DNAJC1: variants seen among roughly 807,000 people sequenced by gnomAD.
The protein encoded by DNAJC1 is DnaJ heat shock protein family (Hsp40) member C1, also known as dnaJ homolog subfamily C member 1.
A neutral mutation model predicts 76.6 loss-of-function variants in DNAJC1; 58 were observed. The observed-to-expected ratio is 0.76, with a 90% CI of 0.61 to 0.94. DNAJC1 has a LOEUF of 0.94. Ranked by LOEUF, DNAJC1 falls within the 40% of genes least tolerant of loss-of-function variation. The pLI is 0.00. For synonymous variants in DNAJC1, 258 were observed against 267.9 expected, an observed-to-expected ratio of 0.96 and a Z score of 0.36; for missense variants, 689 against 677.3, an observed-to-expected ratio of 1.02 and a Z score of -0.19.
At chr10:21,916,540 G>A (rs1836959244) in intron 6 of DNAJC1, among the ~76,000 whole-genome samples, 1 of 152,044 alleles carries the variant, frequency 6.6e-6, no homozygotes, top group Admixed American at 6.6e-5. Flanking sequence ...CACAAGAGTG[G>A]TACATAAAGT....
Position 21,756,588 on chromosome 10 carries a change from A to T in DNAJC1, c.*99T>A. 1 of 801,262 alleles carries T rather than the reference A, an allele frequency of 1.2e-6. No individual in the cohort carries two copies. The highest frequency in any genetic ancestry group is 2.1e-6 in the Non-Finnish European group (1 of 466,598). The allele number at this position is 801,262 out of a possible 1,614,324, so 49.6% of individuals were successfully genotyped here. On this transcript the variant is annotated 3_prime_UTR_variant, in exon 12 of 12. Transcript: ENST00000376980. ...TTATTATTTTTTTTTACTAAGGCAC[A>T]TGACGTAGAAATATTGAGGTACAAA...
chr10:21,874,813 T>A (rs1375801941), intron 8 of DNAJC1, among the ~76,000 whole-genome samples: 1 of 152,228 alleles, frequency 6.6e-6, no homozygotes, highest in Non-Finnish European at 1.5e-5. Context: ...AACAAAAATG[T>A]TATAAAAAGC....
At chr10:21,973,495 G>C (rs1342683159) in intron 1 of DNAJC1, among the ~76,000 whole-genome samples, 1 of 152,070 alleles carries the variant, frequency 6.6e-6, no homozygotes, top group Non-Finnish European at 1.5e-5. Context: ...CCTAGCACTT[G>C]GCTAGAACCC....
chr10:21,804,064 C>T, intron 9 of DNAJC1: 1 of 596,232 alleles, frequency 1.7e-6, no homozygotes, highest in Non-Finnish European at 2.1e-6. Context: ...CAAGACTACT[C>T]TAGTAAATTA....
At chr10:21,885,049 C>G (rs1160526876) in intron 7 of DNAJC1, among the ~76,000 whole-genome samples, 2 of 151,934 alleles carry the variant, frequency 1.3e-5, no homozygotes, top group Admixed American at 6.6e-5. Context: ...GCTAAATGCC[C>G]CACTTAAAAG....
chr10:21,957,362 T>G (rs1384927551), intron 1 of DNAJC1, among the ~76,000 whole-genome samples: 4 of 152,232 alleles, frequency 2.6e-5, no homozygotes. Context: ...ATTCTTTTCC[T>G]CTATTATCCT....
At chr10:21,821,252 T>C (rs1246198664) in intron 8 of DNAJC1, among the ~76,000 whole-genome samples, 1 of 152,196 alleles carries the variant, frequency 6.6e-6, no homozygotes, top group East Asian at 1.9e-4. Flanking sequence ...TCCTCAGGCC[T>C]GCTCTTGCCT....
intron 6 of DNAJC1, among the ~76,000 whole-genome samples, chr10:21,913,566 T>C (rs561623584): frequency 6.6e-6 from 1 of 152,220 alleles, no homozygotes; most frequent in Non-Finnish European, 1.5e-5. Context: ...GCACTGATTA[T>C]ATGTCACCAA....
At chr10:21,917,344 T>C (rs970507060) in intron 6 of DNAJC1, among the ~76,000 whole-genome samples, 1 of 152,126 alleles carries the variant, frequency 6.6e-6, no homozygotes, top group Admixed American at 6.5e-5. Context: ...AAGAAATATG[T>C]TAATTTTACC....
In DNAJC1 at chr10:21,756,645, T is replaced by C. The variant is rs778479461; in HGVS notation, c.*42A>G. ...ATTTCTGCATAAGATTTTTAAGATA[T>C]TCATTTTGGAAAATGAAGGTGAACA... On this transcript the variant is annotated 3_prime_UTR_variant, in exon 12 of 12. Coordinates refer to ENST00000376980, the MANE Select transcript of DNAJC1 (RefSeq NM_022365.4). 2 of 1,484,868 alleles carry C rather than the reference T, an allele frequency of 1.3e-6. No individual in the cohort carries two copies. The highest frequency in any genetic ancestry group is 1.4e-5 in the African/African-American group (1 of 72,356). The allele number at this position is 1,484,868 out of a possible 1,614,324, so 92.0% of individuals were successfully genotyped here.
chr10:21,917,767 A>C (rs1303278099), intron 6 of DNAJC1, among the ~76,000 whole-genome samples: 2 of 152,058 alleles, frequency 1.3e-5, no homozygotes, highest in Non-Finnish European at 2.9e-5. Context: ...AGCAATAACT[A>C]TTAAGATGAA....
At chr10:21,923,752 TTACA>T (rs1284077648) in intron 3 of DNAJC1, among the ~76,000 whole-genome samples, 3 of 151,912 alleles carry the variant, frequency 2.0e-5, no homozygotes, top group Non-Finnish European at 4.4e-5. Context: ...AAAATAATGG[TTACA>T]TACTCATTAG....
intron 8 of DNAJC1, among the ~76,000 whole-genome samples, chr10:21,825,541 C>T (rs1247077733): frequency 6.6e-6 from 1 of 152,180 alleles, no homozygotes; most frequent in African/African-American, 2.4e-5. Context: ...TTTGAGTGTA[C>T]ACCTATGAGC....
chr10:21,857,293 C>T (rs985488669), intron 8 of DNAJC1, among the ~76,000 whole-genome samples: 1 of 151,986 alleles, frequency 6.6e-6, no homozygotes, highest in African/African-American at 2.4e-5. Context: ...TAGTGCTAAC[C>T]CTTTTAAACA....
chr10:21,767,116 T>C (rs1834310053), intron 9 of DNAJC1, among the ~76,000 whole-genome samples: 1 of 152,174 alleles, frequency 6.6e-6, no homozygotes, highest in Admixed American at 6.5e-5. Context: ...ATGACATTTA[T>C]GCTAATAGTG....
intron 9 of DNAJC1, among the ~76,000 whole-genome samples, chr10:21,774,293 G>A (rs1834427039): frequency 2.0e-5 from 3 of 152,050 alleles, no homozygotes; most frequent in Admixed American, 2.0e-4. Flanking sequence ...GGATCCATAA[G>A]TTGTGACATA....
At chr10:21,945,365 G>C (rs1336027263) in intron 1 of DNAJC1, among the ~76,000 whole-genome samples, 1 of 152,160 alleles carries the variant, frequency 6.6e-6, no homozygotes, top group Non-Finnish European at 1.5e-5. Context: ...AAAAAGATAC[G>C]TGGCTGAGAG....
At chr10:21,902,584 T>C (rs2131742859) in intron 7 of DNAJC1, among the ~76,000 whole-genome samples, 1 of 152,188 alleles carries the variant, frequency 6.6e-6, no homozygotes. Context: ...GGATTACAGG[T>C]GTGAGCCACT....
intron 9 of DNAJC1, among the ~76,000 whole-genome samples, chr10:21,786,483 G>A (rs1228820875): frequency 6.9e-6 from 1 of 145,664 alleles, no homozygotes; most frequent in East Asian, 2.0e-4. Flanking sequence ...GAGAGAGAGA[G>A]AGAGAGAGAG....
Sources: allele counts gnomAD v4.1 joint callset (sites outside exome capture counted in the v4.1 genomes callset), GRCh38; gene constraint gnomAD v4.1.1; transcripts MANE v1.5; gene names NCBI Gene and HGNC (gene_info 2026-07-23, HGNC 2026-07-21).